TASP1: variants seen among roughly 807,000 people sequenced by gnomAD.
TASP1 encodes threonine aspartase 1.
Under a neutral mutation model 56.6 loss-of-function variants are expected in TASP1, and 16 were observed. The observed-to-expected ratio is 0.28, with a 90% CI of 0.19 to 0.43. TASP1 has a LOEUF of 0.43. Among genes scored for constraint, TASP1 ranks in the 20% least tolerant of loss-of-function variants. The probability of loss-of-function intolerance (pLI) is 1.00; values close to 1 mark genes in which losing one functional copy is unlikely to be tolerated. For missense variants in TASP1, 393 were observed against 511.6 expected (o/e 0.77, Z 2.24); for synonymous variants, 179 against 184.2 (o/e 0.97, Z 0.23).
the TASP1 span, among the ~76,000 whole-genome samples, chr20:13,155,682 C>T: frequency 1.0e-3 from 159 of 151,708 alleles, no homozygotes; most frequent in Middle Eastern, 0.014. Context: ...AAAAACTAGC[C>T]GGGCGTGGTG....
At chr20:13,560,614 G>C (rs1333611480) in intron 7 of TASP1, among the ~76,000 whole-genome samples, 2 of 152,020 alleles carry the variant, frequency 1.3e-5, no homozygotes, top group Non-Finnish European at 2.9e-5. Flanking sequence ...ACCGACAGAA[G>C]GTGGGGGGAA....
the TASP1 span, among the ~76,000 whole-genome samples, chr20:13,258,515 A>T: frequency 6.6e-6 from 1 of 152,184 alleles, no homozygotes; most frequent in African/African-American, 2.4e-5. Context: ...GCTCAGACTC[A>T]AACTGATACA....
the TASP1 span, among the ~76,000 whole-genome samples, chr20:13,183,122 C>CTT: frequency 6.6e-6 from 1 of 152,198 alleles, no homozygotes; most frequent in Non-Finnish European, 1.5e-5. Flanking sequence ...AATGTTTATA[C>CTT]AATAGGGTTT....
At position 13,609,554 on chromosome 20, in the gene TASP1, G is replaced by A. The variant is rs538155554; in HGVS notation, c.282+13892C>T. ...TTTTTAAAAATTAGTCGGGCATGGC[G>A]GTGGGCGCCTATAATCCCAGCTACT... On this transcript the variant is annotated intron_variant, in intron 4 of 13. Transcript: ENST00000337743. 3.5e-3 allele frequency among the ~76,000 whole-genome samples: 537 copies of A among 152,104 alleles called. 4 individuals are homozygous for A. Among genetic ancestry groups the A allele is most frequent in the African/African-American group, 0.012 (492 of 41,506 alleles).
chr20:13,582,845 G>A (rs1237117267), intron 5 of TASP1, among the ~76,000 whole-genome samples: 3 of 152,242 alleles, frequency 2.0e-5, no homozygotes, highest in African/African-American at 7.2e-5. Flanking sequence ...ATGGATATGG[G>A]CCCTCTAAGT....
chr20:13,132,440 G>T, the TASP1 span, among the ~76,000 whole-genome samples: 1 of 152,044 alleles, frequency 6.6e-6, no homozygotes, highest in Non-Finnish European at 1.5e-5. Context: ...GCCTCCCAAA[G>T]TACTGGGATT....
the TASP1 span, among the ~76,000 whole-genome samples, chr20:13,334,270 G>A: frequency 6.6e-6 from 1 of 152,210 alleles, no homozygotes; most frequent in Non-Finnish European, 1.5e-5. Flanking sequence ...AGAGAGAGTG[G>A]AACTAATATC....
chr20:13,239,283 G>A, the TASP1 span, among the ~76,000 whole-genome samples: 1 of 152,166 alleles, frequency 6.6e-6, no homozygotes, highest in Admixed American at 6.5e-5. Flanking sequence ...ACTCTGTCTG[G>A]TGTGGTTCTC....
Position 13,451,685 on chromosome 20 carries a change from G to A in TASP1, c.986-16531C>T, listed in dbSNP as rs188772950. ...CTTAACACTGAGTGTTATATCAGAT[G>A]TTCTATCCCCATACCAAGCTGTTTC... On this transcript the variant is annotated intron_variant, in intron 11 of 13. Transcript: ENST00000337743. Among the ~76,000 whole-genome samples, 111 of 152,158 alleles carry A rather than the reference G, an allele frequency of 7.3e-4. No individual in the cohort carries two copies. The Middle Eastern group carries it at 0.01, about 14-fold the overall frequency.
intron 4 of TASP1, among the ~76,000 whole-genome samples, chr20:13,592,573 C>T (rs970800373): frequency 4.6e-5 from 7 of 152,128 alleles, no homozygotes; most frequent in African/African-American, 1.7e-4. Flanking sequence ...TCTCATTGCT[C>T]ATATTAGTGA....
chr20:13,416,314 T>C (rs901929923), intron 13 of TASP1, among the ~76,000 whole-genome samples: 2 of 152,342 alleles, frequency 1.3e-5, no homozygotes, highest in Admixed American at 6.5e-5. Context: ...ATATTTTATG[T>C]ATTCTCTTAG....
downstream of TASP1, among the ~76,000 whole-genome samples, chr20:13,385,640 C>T (rs1053297561): frequency 2.6e-5 from 4 of 152,026 alleles, no homozygotes; most frequent in African/African-American, 7.2e-5. Context: ...GAGTTGACTC[C>T]AAGTAGTTCA....
At chr20:13,223,666 A>G in the TASP1 span, among the ~76,000 whole-genome samples, 2 of 152,188 alleles carry the variant, frequency 1.3e-5, no homozygotes, top group African/African-American at 2.4e-5. Context: ...GGGTTCTCTC[A>G]CCTTCTCCCG....
At chr20:13,564,773 G>A (rs2046457578) in intron 7 of TASP1, among the ~76,000 whole-genome samples, 1 of 151,922 alleles carries the variant, frequency 6.6e-6, no homozygotes, top group Non-Finnish European at 1.5e-5. Context: ...GGCCGAGGCA[G>A]GCAAATCATT....
chr20:13,273,173 GT>G, the TASP1 span, among the ~76,000 whole-genome samples: 1 of 140,954 alleles, frequency 7.1e-6, no homozygotes, highest in Non-Finnish European at 1.5e-5. Context: ...AAATCCATCT[GT>G]CTGAAAATTC....
intron 4 of TASP1, among the ~76,000 whole-genome samples, chr20:13,619,201 ATCACTATTC>A (rs1387813365): frequency 1.3e-5 from 2 of 152,102 alleles, no homozygotes; most frequent in Non-Finnish European, 2.9e-5. Context: ...CCCGGCCCCT[ATCACTATTC>A]TTAATACACA....
chr20:13,426,482 G>A (rs1310972924), intron 12 of TASP1, among the ~76,000 whole-genome samples: 2 of 151,994 alleles, frequency 1.3e-5, no homozygotes, highest in Non-Finnish European at 2.9e-5. Flanking sequence ...TTCTCATGAT[G>A]GAGAAGAAAA....
intron 10 of TASP1, among the ~76,000 whole-genome samples, chr20:13,518,590 T>G (rs2044621137): frequency 6.6e-6 from 1 of 152,104 alleles, no homozygotes; most frequent in African/African-American, 2.4e-5. Flanking sequence ...TGCCTTCCTC[T>G]CAGCCTTCAC....
At chr20:13,614,975 C>T (rs1472017435) in intron 4 of TASP1, 1 of 318,452 alleles carries the variant, frequency 3.1e-6, no homozygotes, top group Non-Finnish European at 6.5e-6. Flanking sequence ...ACCTTTTAAC[C>T]ATATTGACAA....
Sources: allele counts gnomAD v4.1 joint callset (sites outside exome capture counted in the v4.1 genomes callset), GRCh38; gene constraint gnomAD v4.1.1; transcripts MANE v1.5; gene names NCBI Gene and HGNC (gene_info 2026-07-23, HGNC 2026-07-21).